The following ZFYVE9 variants were observed in gnomAD, a reference collection of about 807,000 sequenced individuals.
ZFYVE9 encodes the protein zinc finger FYVE domain-containing protein 9.
ZFYVE9 carries 43 observed loss-of-function variants against 126.7 expected under a neutral mutation model. That is an observed-to-expected ratio of 0.34 (90% CI 0.27 to 0.44). ZFYVE9 has a LOEUF of 0.44. ZFYVE9 is among the 20% of genes least tolerant of loss of function. The pLI, the probability that ZFYVE9 is intolerant of heterozygous loss-of-function variation, is 1.00. For synonymous variants in ZFYVE9, 521 were observed against 597.4 expected (o/e 0.87, Z 1.87); for missense variants, 1,476 against 1,697.0 (o/e 0.87, Z 2.29).
At chr1:52,240,524 A>G (rs139500432) in intron 4 of ZFYVE9, among the ~76,000 whole-genome samples, 37 of 152,252 alleles carry the variant, frequency 2.4e-4, no homozygotes, top group Non-Finnish European at 4.1e-4. Context: ...GGTGCTTTCA[A>G]CTTCAAGGAA....
intron 6 of ZFYVE9, among the ~76,000 whole-genome samples, 157 bp from the exon 7 acceptor site, chr1:52,268,306 C>A (rs1428185812): frequency 6.6e-6 from 1 of 152,120 alleles, no homozygotes; most frequent in Non-Finnish European, 1.5e-5. Flanking sequence ...TCATTTATAA[C>A]CACTTTTATA....
In ZFYVE9 at chr1:52,238,118, C is replaced by T. The variant is rs201294769; in HGVS notation, c.701C>T (p.Ser234Phe). 7.5e-5 allele frequency: 121 copies of T among 1,613,982 alleles called. No homozygotes were observed. Among genetic ancestry groups the T allele is most frequent in the Non-Finnish European group, 9.5e-5 (112 of 1,179,972 alleles). ...RSVNHLCPTS[S>F]DSLASVCSPS... ...GTTAACCATCTGTGTCCTACTTCAT[C>T]TGATAGTCTAGCCAGTGTCTGTTCC... is the stretch of plus-strand genomic sequence containing the variant. The change falls in exon 4 of 19, where the codon TCT becomes TTT. Residue 234 changes from serine to phenylalanine, a missense_variant. Transcript: ENST00000287727.
intron 8 of ZFYVE9, among the ~76,000 whole-genome samples, chr1:52,277,435 A>C (rs752426573): frequency 6.6e-6 from 1 of 152,206 alleles, no homozygotes; most frequent in Non-Finnish European, 1.5e-5. Flanking sequence ...TGAATTATCT[A>C]TATTACTTAA....
chr1:52,198,120 G>GGTT (rs1553123725), intron 1 of ZFYVE9, among the ~76,000 whole-genome samples: 4 of 111,102 alleles, frequency 3.6e-5, no homozygotes, highest in Non-Finnish European at 3.4e-5. Flanking sequence ...GTTTTTTTTT[G>GGTT]TTTGTTTTTT....
At chr1:52,263,292 A>G (rs577329074) in intron 4 of ZFYVE9, among the ~76,000 whole-genome samples, 3 of 152,278 alleles carry the variant, frequency 2.0e-5, no homozygotes, top group South Asian at 2.1e-4. Context: ...CTTGGCCTTC[A>G]TAGCAAAAAC....
intron 4 of ZFYVE9, among the ~76,000 whole-genome samples, chr1:52,246,698 ATTTTTTTT>A (rs759969701): frequency 6.8e-4 from 68 of 99,288 alleles, no homozygotes; most frequent in African/African-American, 2.4e-3. Flanking sequence ...CGTGTAACTA[ATTTTTTTT>A]TTTTTTTTTT....
chr1:52,329,847 G>C (rs930291252), intron 13 of ZFYVE9, among the ~76,000 whole-genome samples: 9 of 152,150 alleles, frequency 5.9e-5, no homozygotes, highest in Non-Finnish European at 1.5e-5. Context: ...GGAGCTTGCA[G>C]TGAGCCTAGA....
intron 2 of ZFYVE9, among the ~76,000 whole-genome samples, chr1:52,217,659 A>AT (rs1645084816): frequency 6.6e-6 from 1 of 152,226 alleles, no homozygotes; most frequent in South Asian, 2.1e-4. Context: ...GATTGAGGTC[A>AT]TGAGTCCCTT....
chr1:52,152,752 G>A (rs1004302315), intron 1 of ZFYVE9, among the ~76,000 whole-genome samples: 3 of 152,144 alleles, frequency 2.0e-5, no homozygotes, highest in African/African-American at 7.2e-5. Flanking sequence ...TTTCTCACCT[G>A]TAAAATGGGA....
chr1:52,172,476 T>C (rs1644582753), intron 1 of ZFYVE9, among the ~76,000 whole-genome samples: 1 of 152,300 alleles, frequency 6.6e-6, no homozygotes, highest in Non-Finnish European at 1.5e-5. Context: ...ATTGACTTGG[T>C]GATTCGGGCT....
intron 12 of ZFYVE9, among the ~76,000 whole-genome samples, chr1:52,297,184 A>G (rs1301053237): frequency 6.6e-6 from 1 of 152,106 alleles, no homozygotes; most frequent in Non-Finnish European, 1.5e-5. Context: ...GGGCAGCCCC[A>G]GGCAAGAAGG....
chr1:52,253,702 C>A, intron 4 of ZFYVE9: 1 of 1,604,480 alleles, frequency 6.2e-7, no homozygotes, highest in Non-Finnish European at 8.5e-7. Context: ...AATTGGGTCA[C>A]AAGCTGTTTG....
intron 7 of ZFYVE9, among the ~76,000 whole-genome samples, chr1:52,272,482 T>C (rs1645702102): frequency 6.6e-6 from 1 of 152,220 alleles, no homozygotes; most frequent in African/African-American, 2.4e-5. Flanking sequence ...ATATAATGTT[T>C]TGTGTTTAGC....
intron 12 of ZFYVE9, among the ~76,000 whole-genome samples, chr1:52,303,157 C>G (rs938444525): frequency 2.6e-5 from 4 of 152,156 alleles, no homozygotes; most frequent in African/African-American, 9.7e-5. Flanking sequence ...CTCTCACTAT[C>G]TCCTACCTTG....
intron 1 of ZFYVE9, chr1:52,150,124 C>G (rs982078419): frequency 6.6e-6 from 1 of 152,130 alleles, no homozygotes; most frequent in African/African-American, 2.4e-5. Context: ...GTGGCATGTG[C>G]GTCTAGTCTC....
At chr1:52,344,070 CCAAAAAAAA>C (rs2147880123) in intron 17 of ZFYVE9, among the ~76,000 whole-genome samples, 1 of 146,930 alleles carries the variant, frequency 6.8e-6, no homozygotes, top group South Asian at 2.1e-4. Context: ...GACTTTGTTT[CCAAAAAAAA>C]AAAAAAAAAG....
At chr1:52,291,175 A>T (rs893781330) in intron 10 of ZFYVE9, among the ~76,000 whole-genome samples, 2 of 152,204 alleles carry the variant, frequency 1.3e-5, no homozygotes, top group Non-Finnish European at 2.9e-5. Flanking sequence ...CCTTAAATGC[A>T]AAATATAGAT....
chr1:52,314,670 A>AT (rs1487715105), intron 13 of ZFYVE9, among the ~76,000 whole-genome samples: 2 of 152,142 alleles, frequency 1.3e-5, no homozygotes, highest in African/African-American at 4.8e-5. Flanking sequence ...ATAGAAAAAA[A>AT]TTAACCGGGT....
intron 7 of ZFYVE9, among the ~76,000 whole-genome samples, chr1:52,269,642 G>A (rs946128891): frequency 6.6e-6 from 1 of 152,112 alleles, no homozygotes; most frequent in African/African-American, 2.4e-5. Flanking sequence ...TGTAATATCT[G>A]TCTTCAAATA....
Sources: gnomAD v4.1 joint callset for allele counts (sites outside exome capture counted in the v4.1 genomes callset) on GRCh38, gnomAD v4.1.1 for gene constraint, MANE v1.5 for transcripts, NCBI Gene and HGNC (gene_info 2026-07-23, HGNC 2026-07-21) for gene names.